The following BRINP2 variants were observed in gnomAD, a reference collection of about 807,000 sequenced individuals.
BRINP2 encodes the protein BMP/retinoic acid-inducible neural-specific protein 2.
BRINP2 carries 21 observed loss-of-function variants against 69.2 expected under a neutral mutation model. The ratio of observed to expected loss-of-function variants is 0.30; its 90% CI spans 0.22 to 0.44. The LOEUF is 0.44. Among genes scored for constraint, BRINP2 ranks in the 20% least tolerant of loss-of-function variants. The pLI, the probability that BRINP2 is intolerant of heterozygous loss-of-function variation, is 1.00. For synonymous variants in BRINP2, 380 were observed against 394.1 expected (o/e 0.96, Z 0.42); for missense variants, 877 against 986.0 (o/e 0.89, Z 1.48).
At chr1:177,220,586 C>A (rs937752966) in intron 1 of BRINP2, among the ~76,000 whole-genome samples, 1 of 152,176 alleles carries the variant, frequency 6.6e-6, no homozygotes, top group Admixed American at 6.5e-5. Flanking sequence ...CCTCTGGAAC[C>A]ATGAGCCAAT....
rs535778195 is a variant in BRINP2 at position 177,184,506 on chromosome 1, G to A, written c.-77+12774G>A. Among the ~76,000 whole-genome samples, 211 of 152,194 alleles carry A rather than the reference G, an allele frequency of 1.4e-3. 1 individual carries two copies. The highest frequency in any genetic ancestry group is 7.7e-3 in the South Asian group (37 of 4,812). ...CTCTCCCTACTTTAATTCCTAGAATGTGCCATCTATCTCTCATGTGAACTT... is the reference window on the plus strand; with the variant it reads ...CTCTCCCTACTTTAATTCCTAGAATATGCCATCTATCTCTCATGTGAACTT... On this transcript the variant is annotated intron_variant, in intron 1 of 7. Coordinates refer to ENST00000361539, the MANE Select transcript of BRINP2 (RefSeq NM_021165.4).
At chr1:177,215,919 T>G (rs957609636) in intron 1 of BRINP2, among the ~76,000 whole-genome samples, 1 of 152,128 alleles carries the variant, frequency 6.6e-6, no homozygotes, top group African/African-American at 2.4e-5. Context: ...TACTTAAAGT[T>G]TATTTTGTCT....
At chr1:177,247,133 G>T (rs955711279) in intron 2 of BRINP2, among the ~76,000 whole-genome samples, 3 of 152,222 alleles carry the variant, frequency 2.0e-5, no homozygotes, top group African/African-American at 7.2e-5. Context: ...TCATCGCTTG[G>T]TGGACTGAGT....
At chr1:177,205,214 G>A (rs1290057987) in intron 1 of BRINP2, among the ~76,000 whole-genome samples, 2 of 152,016 alleles carry the variant, frequency 1.3e-5, no homozygotes, top group Non-Finnish European at 2.9e-5. Flanking sequence ...CATGATCTCG[G>A]CTCACAATCT....
At chr1:177,199,528 CT>C (rs1205439884) in intron 1 of BRINP2, among the ~76,000 whole-genome samples, 1 of 152,200 alleles carries the variant, frequency 6.6e-6, no homozygotes, top group East Asian at 1.9e-4. Context: ...CTCACAGCAT[CT>C]GATCTAGATT....
At chr1:177,181,753 C>A (rs1047237802) in intron 1 of BRINP2, among the ~76,000 whole-genome samples, 1 of 152,170 alleles carries the variant, frequency 6.6e-6, no homozygotes. Flanking sequence ...AGGCGCCCTG[C>A]ACACGCCTCT....
intron 2 of BRINP2, among the ~76,000 whole-genome samples, chr1:177,251,078 A>T (rs117488253): frequency 1.3e-5 from 2 of 152,188 alleles, no homozygotes; most frequent in Non-Finnish European, 2.9e-5. Context: ...AGACAGTATC[A>T]TTCCTTTTTC....
chr1:177,249,041 A>G (rs1650493982), intron 2 of BRINP2, among the ~76,000 whole-genome samples: 1 of 152,152 alleles, frequency 6.6e-6, no homozygotes, highest in African/African-American at 2.4e-5. Flanking sequence ...TTTTTTGGCA[A>G]TCTGGACCAC....
intron 1 of BRINP2, among the ~76,000 whole-genome samples, chr1:177,191,486 G>A (rs531694860): frequency 2.0e-5 from 3 of 151,830 alleles, no homozygotes; most frequent in Non-Finnish European, 2.9e-5. Flanking sequence ...ATGGAGTCTA[G>A]CTCTGTCACC....
chr1:177,275,087 C>T (rs1455421341), intron 5 of BRINP2: 1 of 455,968 alleles, frequency 2.2e-6, no homozygotes, highest in Non-Finnish European at 4.4e-6. Context: ...CACAAGGTCT[C>T]ACAGTGTCGC....
At chr1:177,235,168 C>G (rs371265374) in intron 2 of BRINP2, among the ~76,000 whole-genome samples, 1 of 152,154 alleles carries the variant, frequency 6.6e-6, no homozygotes, top group Non-Finnish European at 1.5e-5. Flanking sequence ...TCAGGCCTCT[C>G]CCCAGACCTA....
chr1:177,245,584 G>A (rs1254611700), intron 2 of BRINP2, among the ~76,000 whole-genome samples: 1 of 152,198 alleles, frequency 6.6e-6, no homozygotes, highest in Non-Finnish European at 1.5e-5. Context: ...GAGGCAGATA[G>A]TGGTGAACAG....
At chr1:177,216,282 G>A (rs1293356989) in intron 1 of BRINP2, among the ~76,000 whole-genome samples, 1 of 151,972 alleles carries the variant, frequency 6.6e-6, no homozygotes, top group South Asian at 2.1e-4. Context: ...ATAGATTTTT[G>A]ATTTTTGGTT....
At chr1:177,228,414 C>T (rs1021700842) in intron 1 of BRINP2, among the ~76,000 whole-genome samples, 4 of 152,124 alleles carry the variant, frequency 2.6e-5, no homozygotes, top group Admixed American at 6.5e-5. Flanking sequence ...CACACTGATC[C>T]GATGGAAGTC....
intron 2 of BRINP2, among the ~76,000 whole-genome samples, chr1:177,254,378 G>GCACACACACACACA (rs71565492): frequency 2.4e-4 from 34 of 144,012 alleles, no homozygotes; most frequent in African/African-American, 7.3e-4. Flanking sequence ...AAGCACACAT[G>GCACACACACACACA]CACACACACA....
intron 4 of BRINP2, among the ~76,000 whole-genome samples, chr1:177,272,612 G>A (rs16851019): frequency 0.012 from 1,807 of 152,312 alleles, 40 homozygotes; most frequent in African/African-American, 0.04. Flanking sequence ...AGAAGAGGAC[G>A]TCAGAGGTAT....
chr1:177,245,271 A>G (rs1485929537), intron 2 of BRINP2, among the ~76,000 whole-genome samples: 1 of 152,052 alleles, frequency 6.6e-6, no homozygotes, highest in Non-Finnish European at 1.5e-5. Context: ...TTAAAAAGAA[A>G]GAACGTTGAC....
chr1:177,200,320 A>AAAAAAAAAAAAAAAAAAAC, intron 1 of BRINP2, among the ~76,000 whole-genome samples: 1 of 146,528 alleles, frequency 6.8e-6, no homozygotes, highest in Non-Finnish European at 1.5e-5. Context: ...AAAAAAAAAA[A>AAAAAAAAAAAAAAAAAAAC]AAGAATGCAT....
chr1:177,180,457 G>GTA (rs1648212338), intron 1 of BRINP2, among the ~76,000 whole-genome samples: 1 of 152,182 alleles, frequency 6.6e-6, no homozygotes, highest in Admixed American at 6.5e-5. Flanking sequence ...CACAAAAATT[G>GTA]TAAAGATTAA....
Sources: allele counts gnomAD v4.1 joint callset (sites outside exome capture counted in the v4.1 genomes callset), GRCh38; gene constraint gnomAD v4.1.1; transcripts MANE v1.5; gene names NCBI Gene and HGNC (gene_info 2026-07-23, HGNC 2026-07-21).